The following LY75 variants were observed in gnomAD, a reference collection of about 807,000 sequenced individuals.
The protein encoded by LY75 is lymphocyte antigen 75, also known as C-type lectin domain family 13 member B.
LY75 carries 185 observed loss-of-function variants against 231.7 expected under a neutral mutation model. The ratio of observed to expected loss-of-function variants is 0.80; its 90% CI spans 0.71 to 0.90. The LOEUF (loss-of-function observed/expected upper bound fraction) is 0.90. Among genes scored for constraint, LY75 ranks in the 40% least tolerant of loss-of-function variants. The probability of loss-of-function intolerance (pLI) is 0.00; values close to 1 mark genes in which losing one functional copy is unlikely to be tolerated. For missense variants in LY75, 1,947 were observed against 2,050.2 expected (o/e 0.95, Z 0.97); for synonymous variants, 668 against 689.0 (o/e 0.97, Z 0.48).
chr2:159,882,430 G>A (rs1685464931), intron 6 of LY75, 115 bp from the exon 7 acceptor site: 2 of 1,399,166 alleles, frequency 1.4e-6, no homozygotes, highest in Admixed American at 2.3e-5. Flanking sequence ...GGGACGTGAT[G>A]TCAGATGCTA....
At chr2:159,903,672 C>T (rs781455819) in intron 1 of LY75, 10 of 152,244 alleles carry the variant, frequency 6.6e-5, no homozygotes, top group Non-Finnish European at 1.3e-4. Context: ...TCTTTTCCTT[C>T]CTCATACAGG....
intron 2 of LY75, among the ~76,000 whole-genome samples, chr2:159,896,574 A>C (rs896922722): frequency 6.6e-6 from 1 of 152,236 alleles, no homozygotes; most frequent in Non-Finnish European, 1.5e-5. Flanking sequence ...CTGCTAGATA[A>C]GAAGGTGGGG....
intron 14 of LY75, among the ~76,000 whole-genome samples, chr2:159,861,441 A>G (rs1560086657): frequency 6.6e-6 from 1 of 152,190 alleles, no homozygotes; most frequent in Non-Finnish European, 1.5e-5. Context: ...CCAAACAAAT[A>G]ATTTCCTCCA....
intron 23 of LY75, among the ~76,000 whole-genome samples, chr2:159,849,672 G>C (rs888029940): frequency 1.3e-5 from 2 of 152,062 alleles, no homozygotes; most frequent in Non-Finnish European, 2.9e-5. Context: ...GAGACAATTC[G>C]CTCATTTAAA....
chr2:159,894,840 C>A (rs1360639240), intron 2 of LY75, among the ~76,000 whole-genome samples: 1 of 152,144 alleles, frequency 6.6e-6, no homozygotes, highest in African/African-American at 2.4e-5. Flanking sequence ...TGATTCCAAC[C>A]TCAAATATGC....
rs4510173 is a variant in LY75, at chr2:159,804,596, C to A, written c.*448G>T. 6,652 of 153,254 alleles carry A rather than the reference C, an allele frequency of 0.043. 195 individuals are homozygous for A. Among genetic ancestry groups the A allele is most frequent in the East Asian group, 0.095 (494 of 5,190 alleles). The allele number at this position is 153,254 out of a possible 1,614,324, so 9.5% of individuals were successfully genotyped here. Reference sequence around the variant, plus strand: ...TAAAAATGACTATTTTGAAACAATGCTGATAGAGTTTACAGTTCAATTTTT... The same window carrying A: ...TAAAAATGACTATTTTGAAACAATGATGATAGAGTTTACAGTTCAATTTTT... On this transcript the variant is annotated 3_prime_UTR_variant, in exon 35 of 35. Coordinates refer to ENST00000263636, the MANE Select transcript of LY75 (RefSeq NM_002349.4).
At chr2:159,814,543 T>C (rs1223346433) in intron 31 of LY75, among the ~76,000 whole-genome samples, 1 of 151,478 alleles carries the variant, frequency 6.6e-6, no homozygotes, top group Non-Finnish European at 1.5e-5. Flanking sequence ...TGGTCCCAGC[T>C]ACTCAGGAGG....
At position 159,840,794 on chromosome 2, in the gene LY75, C is replaced by A. The variant is rs34702313; in HGVS notation, c.3442G>T (p.Ala1148Ser). 19,339 of 1,614,062 alleles carry A rather than the reference C, an allele frequency of 0.012. 164 individuals carry two copies. Among genetic ancestry groups the A allele is most frequent in the Admixed American group, 0.038 (2,290 of 59,996 alleles). ...AGGAGCGCCTGCACACTGAGGAATG[C>A]CTGCTGGTAAGGGTCCGTGATGCTC... Reference protein sequence around the residue: ...LVSITDPYQQAFLSVQALLHN... With the variant: ...LVSITDPYQQSFLSVQALLHN... Residue 1148 changes from alanine (A) to serine (S), a missense_variant, in exon 25 of 35, where the codon GCA becomes TCA. By Grantham distance (99) the Ala-to-Ser change is moderately conservative. Coordinates refer to ENST00000263636, the MANE Select transcript of LY75 (RefSeq NM_002349.4).
chr2:159,896,680 A>G (rs1310049184), intron 2 of LY75, among the ~76,000 whole-genome samples: 1 of 152,188 alleles, frequency 6.6e-6, no homozygotes, highest in Non-Finnish European at 1.5e-5. Context: ...AGGGATATAC[A>G]TAAATTGAAA....
rs1043396402 is a variant in LY75, at chr2:159,879,185, T to G, written c.1515+74A>C. The stretch of plus-strand genomic sequence containing the variant: ...CTCTATTTTATAAGTCTGAGTTATT[T>G]AAGTCTCAGCTACCATTTCTAACCA... On this transcript the variant is annotated intron_variant, in intron 9 of 34. Coordinates refer to ENST00000263636, the MANE Select transcript of LY75 (RefSeq NM_002349.4). 2.0e-6 allele frequency: 3 copies of G among 1,503,770 alleles called. No individual in the cohort carries two copies. The African/African-American group carries it at 4.2e-5, about 21-fold the overall frequency. The allele number at this position is 1,503,770 out of a possible 1,614,324, so 93.2% of individuals were successfully genotyped here. A position where few individuals can be genotyped will look rare whatever the true frequency, so the allele number is the denominator to read the frequency against.
intron 29 of LY75, among the ~76,000 whole-genome samples, chr2:159,819,040 G>A (rs1683207146): frequency 6.6e-6 from 1 of 152,176 alleles, no homozygotes; most frequent in Non-Finnish European, 1.5e-5. Flanking sequence ...ACTCAAAGTA[G>A]GTTAGAATAA....
At chr2:159,886,138 T>C (rs557302435) in intron 5 of LY75, among the ~76,000 whole-genome samples, 13 of 152,174 alleles carry the variant, frequency 8.5e-5, no homozygotes, top group Non-Finnish European at 1.5e-4. Context: ...GGACATAGAA[T>C]GGCTCCTGGG....
Position 159,808,458 on chromosome 2 carries a change from G to A in LY75, c.4813C>T (p.His1605Tyr), listed in dbSNP as rs1401004802. The change falls in exon 33 of 35, where the codon CAT (histidine) becomes TAT (tyrosine). Residue 1605 changes from histidine to tyrosine, a missense_variant. Transcript: ENST00000263636. ...CAATTATTTCACTTACCAACAGAATGTTGAGATAATCCAAGCCAAACTCTC... is the reference window on the plus strand; with the variant it reads ...CAATTATTTCACTTACCAACAGAATATTGAGATAATCCAAGCCAAACTCTC... ...TMRVWLGLSQ[H>Y]SVDQSWSWLD... The A allele has an allele frequency of 1.9e-6, 3 of 1,613,698 alleles. No homozygotes were observed. Among genetic ancestry groups the A allele is most frequent in the African/African-American group, 1.3e-5 (1 of 74,916 alleles).
chr2:159,811,524 A>T (rs1406751644), intron 31 of LY75, among the ~76,000 whole-genome samples: 1 of 152,170 alleles, frequency 6.6e-6, no homozygotes, highest in African/African-American at 2.4e-5. Context: ...CAAATATCTG[A>T]CCTGGTACCA....
chr2:159,886,370 C>CT (rs781359740), intron 5 of LY75, 50 bp downstream of exon 5: 59 of 1,494,858 alleles, frequency 3.9e-5, no homozygotes, highest in Non-Finnish European at 5.1e-5. Context: ...GAAGCTTTTG[C>CT]TTTTTTGAAG....
rs755400777 is a variant in LY75 at position 159,816,940 on chromosome 2, A to G, written c.4246T>C (p.Tyr1416His). Reference protein sequence around the residue: ...YSVIQKKVTWYEALNMCSQSG... With the variant: ...YSVIQKKVTWHEALNMCSQSG... ...TGAGAACACATGTTTAATGCTTCAT[A>G]CCATGTTACCTTTTTTTGAATAACA... Residue 1416 changes from tyrosine to histidine, a missense_variant, in exon 30 of 35, where the codon TAT becomes CAT. By Grantham distance (83) the Tyr-to-His change is moderately conservative. Transcript: ENST00000263636. 5 of 1,614,124 alleles carry G rather than the reference A, an allele frequency of 3.1e-6. No homozygotes were observed. Among genetic ancestry groups the G allele is most frequent in the Non-Finnish European group, 4.2e-6 (5 of 1,179,974 alleles).
rs536776634 is a variant in LY75 at position 159,894,421 on chromosome 2, ACT to A, written c.467-339_467-338del. ...GGCTTGATCAGGTGAGGGTCTACTA[ACT>A]CTGCTGTGGGCCGCAGAGCACTTCA... On this transcript the variant is annotated intron_variant, in intron 2 of 34. Transcript: ENST00000263636. Among the ~76,000 whole-genome samples, 426 of 152,226 alleles carry A rather than the reference ACT, an allele frequency of 2.8e-3. 1 individual carries two copies. Among genetic ancestry groups the A allele is most frequent in the African/African-American group, 9.7e-3 (403 of 41,524 alleles).
rs1330371521 is a variant in LY75 at position 159,849,980 on chromosome 2, A to AT, written c.3149dup (p.Asn1050LysfsTer4). The AT allele has an allele frequency of 5.4e-5, 87 of 1,607,664 alleles. No homozygotes were observed. The highest frequency in any genetic ancestry group is 7.1e-5 in the Non-Finnish European group (84 of 1,178,288). On this transcript the variant is annotated frameshift_variant and splice_region_variant, in exon 23 of 35. Transcript: ENST00000263636. LOFTEE classifies it high-confidence loss of function. ...AGTATTGGTTTTTAAAAAAACTTAC[A>AT]TTTTCTGGTATTCTCAGCCTCCCAC... is the stretch of plus-strand genomic sequence containing the variant.
chr2:159,893,921 TAAGCAGATGCCCCACTTTC>T lies in LY75; in HGVS notation c.611_629del (p.Arg204GlnfsTer46). ...TTACCAGCCCATACATACCAGGCTT[TAAGCAGATGCCCCACTTTC>T]GGTCATATTCATAATTTAAGGTGGT... On this transcript the variant is annotated frameshift_variant, in exon 3 of 35. Coordinates refer to ENST00000263636, the MANE Select transcript of LY75 (RefSeq NM_002349.4). LOFTEE classifies it high-confidence loss of function. 5 of 1,611,026 alleles carry T rather than the reference TAAGCAGATGCCCCACTTTC, an allele frequency of 3.1e-6. No homozygotes were observed. Among genetic ancestry groups the T allele is most frequent in the Non-Finnish European group, 4.2e-6 (5 of 1,178,558 alleles).
Sources: gnomAD v4.1 joint callset for allele counts (sites outside exome capture counted in the v4.1 genomes callset) on GRCh38, gnomAD v4.1.1 for gene constraint, MANE v1.5 for transcripts, NCBI Gene and HGNC (gene_info 2026-07-23, HGNC 2026-07-21) for gene names.